Variants in HMGN5 observed in about 807,000 individuals in gnomAD.
HMGN5 encodes high mobility group nucleosome binding domain 5, also known as high mobility group nucleosome-binding domain-containing protein 5.
Under a neutral mutation model 9.5 loss-of-function variants are expected in HMGN5, and 4 were observed. The ratio of observed to expected loss-of-function variants is 0.42; its 90% CI spans 0.21 to 0.96. The LOEUF (loss-of-function observed/expected upper bound fraction) is 0.96, where lower values mean the gene tolerates loss of function less well. Among genes scored for constraint, HMGN5 ranks in the 40% least tolerant of loss-of-function variants. HMGN5 has a pLI of 0.30. For missense variants in HMGN5, 192 were observed against 187.5 expected (o/e 1.02, Z -0.14); for synonymous variants, 55 against 57.1 (o/e 0.96, Z 0.16).
chrX:81,170,374 T>A (rs1226654612), intron 1 of HMGN5, among the ~76,000 whole-genome samples: 2 of 111,894 alleles, frequency 1.8e-5, no homozygotes, highest in African/African-American at 6.5e-5. Context: ...AGAGAAATTA[T>A]TTGATGATTG....
chrX:81,176,607 T>G (rs1478508051), intron 1 of HMGN5, among the ~76,000 whole-genome samples: 1 of 111,671 alleles, frequency 9.0e-6, no homozygotes, highest in East Asian at 2.8e-4. Flanking sequence ...CTGATGGAGC[T>G]GCAAACCATG....
chrX:81,180,254 G>C (rs1202190369), intron 1 of HMGN5, among the ~76,000 whole-genome samples: 2 of 111,475 alleles, frequency 1.8e-5, no homozygotes, highest in African/African-American at 3.3e-5. Context: ...ACTACCATCA[G>C]AGTGAACAGG....
rs757970937 is a variant in HMGN5, at chrX:81,121,975, T to G, written c.-123-303A>C. Among the ~76,000 whole-genome samples the G allele has an allele frequency of 3.6e-3, 401 of 112,227 alleles. 1 individual carries two copies. Among genetic ancestry groups the G allele is most frequent in the African/African-American group, 0.012 (378 of 30,947 alleles). ...ATCAGTTTTTTTTTCTTTTATGTTA[T>G]AATGACAGGCGAAAGCCACAACAGT... On this transcript the variant is annotated intron_variant, in intron 1 of 6. Coordinates refer to ENST00000358130, the MANE Select transcript of HMGN5 (RefSeq NM_030763.3).
chrX:81,118,524 A>C (rs2075260454), intron 4 of HMGN5, 39 bp from the exon 5 acceptor site: 1 of 1,066,709 alleles, frequency 9.4e-7, no homozygotes. Context: ...AAAGGAAAAA[A>C]ATCATATTTG....
intron 1 of HMGN5, among the ~76,000 whole-genome samples, chrX:81,128,308 A>G (rs1398265126): frequency 3.6e-5 from 4 of 111,504 alleles, no homozygotes; most frequent in African/African-American, 9.7e-5. Flanking sequence ...AATTCTCACA[A>G]ATTTTAATGA....
At chrX:81,153,581 CTCTATATATATATA>C (rs1386087182) in intron 1 of HMGN5, among the ~76,000 whole-genome samples, 1 of 9,626 alleles carries the variant, frequency 1.0e-4, no homozygotes, top group Non-Finnish European at 1.8e-4. Flanking sequence ...CTCTCTCTCT[CTCTATATATATATA>C]TATATATATA....
At chrX:81,158,374 G>A (rs2075389018) in intron 1 of HMGN5, among the ~76,000 whole-genome samples, 1 of 112,034 alleles carries the variant, frequency 8.9e-6, no homozygotes, top group Admixed American at 9.5e-5. Context: ...TGACTGGCGT[G>A]AGATGGTATC....
intron 1 of HMGN5, among the ~76,000 whole-genome samples, chrX:81,174,019 A>G (rs756359712): frequency 5.5e-4 from 61 of 111,476 alleles, no homozygotes; most frequent in Non-Finnish European, 1.1e-3. Flanking sequence ...AAAGTTAGAA[A>G]TTTTTTTCTG....
At chrX:81,121,127 C>A (rs2075267091) in intron 2 of HMGN5, among the ~76,000 whole-genome samples, 3 of 109,637 alleles carry the variant, frequency 2.7e-5, no homozygotes, top group African/African-American at 1.0e-4. Context: ...AAAGCCATGG[C>A]TTTCGTTCCC....
intron 1 of HMGN5, among the ~76,000 whole-genome samples, chrX:81,123,703 A>G (rs1476843776): frequency 8.9e-6 from 1 of 112,508 alleles, no homozygotes; most frequent in Admixed American, 9.4e-5. Flanking sequence ...GCAAAGTTGC[A>G]TTACACAGCT....
rs995440037 is a variant in HMGN5 at position 81,114,077 on chromosome X, G to C, written c.*572C>G. ...ATATAACAAAACACAATCATCGTCA[G>C]AGTCTTTTTATTAAGATAAATCCAG... On this transcript the variant is annotated 3_prime_UTR_variant, in exon 7 of 7. Transcript: ENST00000358130. 2 of 111,828 alleles carry C rather than the reference G, an allele frequency of 1.8e-5. No individual in the cohort carries two copies. Among genetic ancestry groups the C allele is most frequent in the Non-Finnish European group, 3.8e-5 (2 of 53,151 alleles). 9.2% of individuals were successfully genotyped at this position (111,828 alleles called of 1,213,427 possible).
At chrX:81,190,810 C>G (rs2075492055) in intron 1 of HMGN5, among the ~76,000 whole-genome samples, 2 of 110,888 alleles carry the variant, frequency 1.8e-5, no homozygotes, top group Admixed American at 1.9e-4. Context: ...CCAGTTATTC[C>G]AGCACCATTT....
chrX:81,199,909 G>C (rs1320872045), intron 1 of HMGN5, among the ~76,000 whole-genome samples: 1 of 111,958 alleles, frequency 8.9e-6, no homozygotes, highest in Non-Finnish European at 1.9e-5. Flanking sequence ...CTTCTGCACA[G>C]CAAAAGAAAC....
intron 1 of HMGN5, among the ~76,000 whole-genome samples, chrX:81,165,057 T>C (rs999276073): frequency 2.7e-5 from 3 of 111,457 alleles, no homozygotes; most frequent in Non-Finnish European, 3.8e-5. Flanking sequence ...CAGCATGATA[T>C]AGTGGAAAGG....
intron 1 of HMGN5, among the ~76,000 whole-genome samples, chrX:81,139,601 A>G (rs1165078367): frequency 1.8e-5 from 2 of 112,038 alleles, no homozygotes; most frequent in East Asian, 5.6e-4. Context: ...AAGAGATAGT[A>G]AAAGCAGTCT....
intron 1 of HMGN5, among the ~76,000 whole-genome samples, chrX:81,199,362 G>T (rs774330334): frequency 4.0e-4 from 45 of 112,464 alleles, no homozygotes; most frequent in African/African-American, 1.3e-3. Flanking sequence ...TTTCTTCACA[G>T]AATTGGAAAA....
chrX:81,188,201 C>A (rs2075482752), intron 1 of HMGN5, among the ~76,000 whole-genome samples: 1 of 108,900 alleles, frequency 9.2e-6, no homozygotes, highest in Admixed American at 9.9e-5. Context: ...TGGGCTCAAG[C>A]AATCCTCCCA....
chrX:81,189,283 T>C (rs1185032506), intron 1 of HMGN5, among the ~76,000 whole-genome samples: 2 of 111,920 alleles, frequency 1.8e-5, no homozygotes, highest in African/African-American at 3.2e-5. Context: ...TTTGATGCTA[T>C]TTTCTAGATC....
chrX:81,138,238 A>G (rs549648163), intron 1 of HMGN5, among the ~76,000 whole-genome samples: 3 of 112,117 alleles, frequency 2.7e-5, no homozygotes, highest in African/African-American at 9.7e-5. Context: ...TATAAAAGAA[A>G]TTACATACAA....
Sources: gnomAD v4.1 joint callset for allele counts (sites outside exome capture counted in the v4.1 genomes callset) on GRCh38, gnomAD v4.1.1 for gene constraint, MANE v1.5 for transcripts, NCBI Gene and HGNC (gene_info 2026-07-23, HGNC 2026-07-21) for gene names.